COP1: variants seen among roughly 807,000 people sequenced by gnomAD.
The protein encoded by COP1 is E3 ubiquitin-protein ligase COP1.
A neutral mutation model predicts 101.3 loss-of-function variants in COP1; 24 were observed. That is an observed-to-expected ratio of 0.24 (90% CI 0.17 to 0.33). The LOEUF (loss-of-function observed/expected upper bound fraction) is 0.33, where lower values mean the gene tolerates loss of function less well. Ranked by LOEUF, COP1 falls within the 10% of genes least tolerant of loss-of-function variation. The probability of loss-of-function intolerance (pLI) is 1.00; values close to 1 mark genes in which losing one functional copy is unlikely to be tolerated. For missense variants in COP1, 663 were observed against 906.2 expected (o/e 0.73, Z 3.45); for synonymous variants, 347 against 341.9 (o/e 1.01, Z -0.17).
chr1:176,135,251 G>T (rs1001956025), intron 7 of COP1, among the ~76,000 whole-genome samples, 165 bp from the exon 8 acceptor site: 4 of 151,848 alleles, frequency 2.6e-5, no homozygotes, highest in Non-Finnish European at 5.9e-5. Context: ...CAAAAGCAAG[G>T]ACATGTGAAA....
chr1:176,014,174 A>G (rs1304760802), intron 15 of COP1, among the ~76,000 whole-genome samples: 1 of 152,220 alleles, frequency 6.6e-6, no homozygotes, highest in East Asian at 1.9e-4. Context: ...ACAGAAAGTA[A>G]GAGAATACAT....
intron 9 of COP1, among the ~76,000 whole-genome samples, chr1:176,099,612 A>G (rs2149494928): frequency 6.6e-6 from 1 of 151,964 alleles, no homozygotes; most frequent in Admixed American, 6.6e-5. Flanking sequence ...TGTTTACATC[A>G]GTGCAATAAG....
chr1:176,192,365 T>TAACA (rs1268360541), intron 1 of COP1, among the ~76,000 whole-genome samples: 3 of 152,106 alleles, frequency 2.0e-5, no homozygotes, highest in Non-Finnish European at 4.4e-5. Flanking sequence ...AAACCACAAG[T>TAACA]AACAACAGTA....
intron 2 of COP1, among the ~76,000 whole-genome samples, chr1:176,177,251 C>T (rs1697086813): frequency 6.6e-6 from 1 of 150,902 alleles, no homozygotes. Flanking sequence ...TAATGTTAAA[C>T]CTTTTACATT....
At chr1:175,946,210 C>T (rs1161202458) in intron 19 of COP1, among the ~76,000 whole-genome samples, 5 of 152,084 alleles carry the variant, frequency 3.3e-5, no homozygotes, top group South Asian at 2.1e-4. Flanking sequence ...TAAAAAACCT[C>T]GTTTTCATTT....
intron 1 of COP1, 68 bp downstream of exon 1, chr1:176,206,504 C>T: frequency 1.9e-6 from 3 of 1,571,240 alleles, no homozygotes; most frequent in South Asian, 2.2e-5. Flanking sequence ...ACCAGACCCC[C>T]CGCCCCCAAG....
chr1:175,992,845 T>G (rs1026047368), intron 15 of COP1, among the ~76,000 whole-genome samples: 2 of 152,160 alleles, frequency 1.3e-5, no homozygotes, highest in South Asian at 4.1e-4. Context: ...AGCAGTAACC[T>G]CTGCAGACTT....
intron 18 of COP1, among the ~76,000 whole-genome samples, chr1:175,960,664 A>G (rs910492375): frequency 6.6e-5 from 10 of 152,226 alleles, no homozygotes; most frequent in African/African-American, 2.4e-4. Context: ...GTAACATCAA[A>G]AGCAACTCCA....
intron 1 of COP1, among the ~76,000 whole-genome samples, chr1:176,190,615 C>G (rs1282087711): frequency 6.6e-6 from 1 of 151,512 alleles, no homozygotes; most frequent in Non-Finnish European, 1.5e-5. Context: ...CATATCATCT[C>G]AGTTAATCAA....
At position 176,112,281 on chromosome 1, in the gene COP1, T is replaced by A. The variant is rs181427546; in HGVS notation, c.1026+4343A>T. ...TTCCTCCAGATTCAAGTTTTTTTTT[T>A]AAATCTTGATTCAAGGATCTACATT... On this transcript the variant is annotated intron_variant, in intron 9 of 19. Transcript: ENST00000367669. 3.4e-3 allele frequency among the ~76,000 whole-genome samples: 515 copies of A among 152,118 alleles called. 3 individuals carry two copies. Among genetic ancestry groups the A allele is most frequent in the African/African-American group, 0.012 (490 of 41,534 alleles).
At chr1:176,130,049 C>T (rs1278343466) in intron 8 of COP1, among the ~76,000 whole-genome samples, 1 of 151,674 alleles carries the variant, frequency 6.6e-6, no homozygotes, top group Non-Finnish European at 1.5e-5. Flanking sequence ...CTAAAATCCA[C>T]ATTTGTTAAT....
chr1:175,958,231 C>T (rs539826982), intron 18 of COP1, among the ~76,000 whole-genome samples: 3 of 151,988 alleles, frequency 2.0e-5, no homozygotes, highest in Admixed American at 6.6e-5. Context: ...AGAACAAATA[C>T]GTATTTTATA....
intron 15 of COP1, among the ~76,000 whole-genome samples, chr1:176,006,061 G>T (rs965119017): frequency 1.3e-5 from 2 of 152,194 alleles, no homozygotes; most frequent in African/African-American, 4.8e-5. Context: ...ATTTAGGATA[G>T]TTAGCTCTTC....
chr1:176,193,952 A>AT (rs1247847773), intron 1 of COP1, among the ~76,000 whole-genome samples: 1 of 152,192 alleles, frequency 6.6e-6, no homozygotes, highest in African/African-American at 2.4e-5. Flanking sequence ...ATTTCACCTC[A>AT]TTTTTTTAAA....
Position 176,127,684 on chromosome 1 carries a change from A to G in COP1, c.968+7326T>C, listed in dbSNP as rs560764541. ...TTAGATAAATACTTAGGTTGTTTGC[A>G]TGGCTACTGTGAATAATGGGACAAA... On this transcript the variant is annotated intron_variant, in intron 8 of 19. Transcript: ENST00000367669. Among the ~76,000 whole-genome samples the G allele has an allele frequency of 9.2e-5, 14 of 152,122 alleles. No individual in the cohort carries two copies. In the East Asian group the frequency reaches 2.7e-3, roughly 29 times the overall value.
intron 8 of COP1, among the ~76,000 whole-genome samples, chr1:176,123,498 T>C (rs1368490762): frequency 6.6e-6 from 1 of 152,098 alleles, no homozygotes; most frequent in African/African-American, 2.4e-5. Context: ...TAAATGACTC[T>C]AACCTGAAAG....
chr1:176,162,811 T>C (rs1694536437), intron 5 of COP1, 58 bp downstream of exon 5: 3 of 1,476,916 alleles, frequency 2.0e-6, no homozygotes. Flanking sequence ...TTCTACGTCT[T>C]TTTTATTGCA....
intron 18 of COP1, among the ~76,000 whole-genome samples, chr1:175,949,799 C>T (rs540094995): frequency 6.6e-6 from 1 of 152,152 alleles, no homozygotes; most frequent in South Asian, 2.1e-4. Context: ...GTCTAGTCAC[C>T]TTTTAATATA....
intron 14 of COP1, 117 bp downstream of exon 14, chr1:176,043,069 G>T: frequency 1.5e-6 from 1 of 675,294 alleles, no homozygotes; most frequent in Non-Finnish European, 2.7e-6. Flanking sequence ...ATAATAATCA[G>T]TAATCACAAA....
Sources: allele counts gnomAD v4.1 joint callset (sites outside exome capture counted in the v4.1 genomes callset), GRCh38; gene constraint gnomAD v4.1.1; transcripts MANE v1.5; gene names NCBI Gene and HGNC (gene_info 2026-07-23, HGNC 2026-07-21).